FSTL4: variants seen among roughly 807,000 people sequenced by gnomAD.
FSTL4 encodes the protein follistatin-related protein 4.
In FSTL4, 28 loss-of-function variants were observed where a neutral mutation model predicts 78.2. The observed-to-expected ratio is 0.36, with a 90% CI of 0.27 to 0.49. FSTL4 has a LOEUF of 0.49. FSTL4 is among the 20% of genes least tolerant of loss of function. The probability of loss-of-function intolerance (pLI) is 0.98; values close to 1 mark genes in which losing one functional copy is unlikely to be tolerated. For synonymous variants in FSTL4, 422 were observed against 440.5 expected (o/e 0.96, Z 0.53); for missense variants, 922 against 1,084.9 (o/e 0.85, Z 2.11).
chr5:133,592,428 T>C (rs1280498926), intron 2 of FSTL4, among the ~76,000 whole-genome samples: 1 of 152,244 alleles, frequency 6.6e-6, no homozygotes, highest in Non-Finnish European at 1.5e-5. Flanking sequence ...ATTTAAATTA[T>C]ATATACCATT....
At chr5:133,656,524 G>T in the FSTL4 span, among the ~76,000 whole-genome samples, 1 of 152,200 alleles carries the variant, frequency 6.6e-6, no homozygotes. Context: ...GACTCAGGGG[G>T]AATACAGCCA....
At chr5:133,615,305 C>A (rs1761178115), upstream of FSTL4, among the ~76,000 whole-genome samples, 1 of 152,214 alleles carries the variant, frequency 6.6e-6, no homozygotes, top group South Asian at 2.1e-4. Context: ...CGTTCTGCTG[C>A]CTGTTCAAAA....
chr5:133,753,994 A>G, the FSTL4 span, among the ~76,000 whole-genome samples: 2 of 152,236 alleles, frequency 1.3e-5, no homozygotes, highest in African/African-American at 4.8e-5. Context: ...TGTGAGTGTT[A>G]GCATAATGAC....
At chr5:133,769,069 A>G in the FSTL4 span, among the ~76,000 whole-genome samples, 4,913 of 152,326 alleles carry the variant, frequency 0.032, 286 homozygotes, top group African/African-American at 0.11. Flanking sequence ...TCTGGCTTCA[A>G]AGAAAGTTCT....
At chr5:133,682,930 C>T in the FSTL4 span, among the ~76,000 whole-genome samples, 2 of 152,088 alleles carry the variant, frequency 1.3e-5, no homozygotes, top group Non-Finnish European at 2.9e-5. Flanking sequence ...ACAGTTACCC[C>T]GCAAGATTTG....
At chr5:133,464,264 T>A (rs537068652) in intron 3 of FSTL4, among the ~76,000 whole-genome samples, 24 of 152,254 alleles carry the variant, frequency 1.6e-4, no homozygotes, top group East Asian at 1.4e-3. Context: ...GCAGTGGAGG[T>A]GCCCAGAAGA....
At chr5:133,352,226 G>C (rs1298811389) in intron 4 of FSTL4, among the ~76,000 whole-genome samples, 1 of 146,914 alleles carries the variant, frequency 6.8e-6, no homozygotes, top group East Asian at 2.0e-4. Flanking sequence ...CACGTCTTTT[G>C]TTCTCACACA....
the FSTL4 span, among the ~76,000 whole-genome samples, chr5:133,732,046 T>C: frequency 1.3e-5 from 2 of 152,078 alleles, no homozygotes; most frequent in African/African-American, 2.4e-5. Flanking sequence ...ACAAGCAACC[T>C]GTGTGCTTCC....
At chr5:133,210,432 A>T (rs1411040880) in intron 13 of FSTL4, 134 bp from the exon 14 acceptor site, 2 of 454,922 alleles carry the variant, frequency 4.4e-6, no homozygotes, top group African/African-American at 3.9e-5. Flanking sequence ...TTGGGAACCC[A>T]GGGCAGAAGC....
At chr5:133,468,898 G>A (rs1757764554) in intron 3 of FSTL4, among the ~76,000 whole-genome samples, 1 of 152,200 alleles carries the variant, frequency 6.6e-6, no homozygotes, top group Non-Finnish European at 1.5e-5. Context: ...CTGAGAGGGT[G>A]GAGGGGGTGA....
intron 4 of FSTL4, among the ~76,000 whole-genome samples, chr5:133,383,487 T>A (rs1450075686): frequency 1.3e-5 from 2 of 152,156 alleles, no homozygotes; most frequent in Non-Finnish European, 2.9e-5. Context: ...CAGATCTCCA[T>A]CCCATTGAAT....
chr5:133,498,861 G>T (rs1281198168), intron 3 of FSTL4, among the ~76,000 whole-genome samples: 1 of 151,830 alleles, frequency 6.6e-6, no homozygotes, highest in East Asian at 1.9e-4. Context: ...ACCTGCTGGG[G>T]CCTGTCTTCT....
the FSTL4 span, among the ~76,000 whole-genome samples, chr5:133,768,122 CTCTT>C: frequency 5.6e-3 from 852 of 152,248 alleles, 9 homozygotes; most frequent in African/African-American, 0.019. Context: ...TAGCAGCTAA[CTCTT>C]TCCTACACGA....
the FSTL4 span, among the ~76,000 whole-genome samples, chr5:133,695,635 C>T: frequency 2.0e-5 from 3 of 152,188 alleles, no homozygotes; most frequent in African/African-American, 7.2e-5. Context: ...ACATTCAAGT[C>T]CAGCTCCTGC....
intron 4 of FSTL4, among the ~76,000 whole-genome samples, chr5:133,354,628 CAG>C (rs927075009): frequency 2.0e-5 from 3 of 152,216 alleles, no homozygotes; most frequent in African/African-American, 7.2e-5. Flanking sequence ...CCTGTGGCCT[CAG>C]AGAGTGGGCA....
At chr5:133,377,079 G>T (rs931317286) in intron 4 of FSTL4, among the ~76,000 whole-genome samples, 3 of 152,034 alleles carry the variant, frequency 2.0e-5, no homozygotes, top group Non-Finnish European at 4.4e-5. Flanking sequence ...TATTTCCCTG[G>T]GAGGTCAGGA....
At position 133,531,377 on chromosome 5, in the gene FSTL4, C is replaced by T. The variant is rs537792582; in HGVS notation, c.160+35809G>A. Among the ~76,000 whole-genome samples, 17 of 152,244 alleles carry T rather than the reference C, an allele frequency of 1.1e-4. 1 individual carries two copies. The highest frequency in any genetic ancestry group is 7.2e-4 in the Admixed American group (11 of 15,296). On this transcript the variant is annotated intron_variant, in intron 3 of 15. Transcript: ENST00000265342. ...GGTCACCTTGTCAGAGAGGGACCCA[C>T]ATCATGAGTTTCAGGATTATTCTTA...
the FSTL4 span, among the ~76,000 whole-genome samples, chr5:133,819,918 C>G: frequency 6.6e-6 from 1 of 152,094 alleles, no homozygotes; most frequent in Admixed American, 6.6e-5. Context: ...TCACAGCAGC[C>G]CCATCGGGCA....
chr5:133,567,991 CAT>C (rs2112944853), intron 2 of FSTL4, among the ~76,000 whole-genome samples: 1 of 152,162 alleles, frequency 6.6e-6, no homozygotes, highest in East Asian at 1.9e-4. Context: ...CAGTTGGAAA[CAT>C]AAGGAAAAGT....
Sources: allele counts gnomAD v4.1 joint callset (sites outside exome capture counted in the v4.1 genomes callset), GRCh38; gene constraint gnomAD v4.1.1; transcripts MANE v1.5; gene names NCBI Gene and HGNC (gene_info 2026-07-23, HGNC 2026-07-21).